The following ARNT2 variants were observed in gnomAD, a reference collection of about 807,000 sequenced individuals.
The protein encoded by ARNT2 is aryl hydrocarbon receptor nuclear translocator 2.
Under a neutral mutation model 91.7 loss-of-function variants are expected in ARNT2, and 36 were observed. The observed-to-expected ratio is 0.39, with a 90% confidence interval of 0.30 to 0.52. The LOEUF (loss-of-function observed/expected upper bound fraction) is 0.52. ARNT2 is among the 20% of genes least tolerant of loss of function. The pLI is 0.72. For synonymous variants in ARNT2, 365 were observed against 347.1 expected, an observed-to-expected ratio of 1.05 and a Z score of -0.57; for missense variants, 775 against 939.3, an observed-to-expected ratio of 0.83 and a Z score of 2.29.
In ARNT2 at chr15:80,475,107, C is replaced by T. The variant is rs1398568084; in HGVS notation, c.506C>T (p.Pro169Leu). The T allele has an allele frequency of 6.2e-7, 1 of 1,614,218 alleles. No individual in the cohort carries two copies. Among genetic ancestry groups the T allele is most frequent in the Admixed American group, 1.7e-5 (1 of 60,026 alleles). Reference protein sequence around the residue: ...RVIYVSDSVTPVLNQPQSEWF... With the variant: ...RVIYVSDSVTLVLNQPQSEWF... ...ATTTATGTGTCTGACTCCGTCACCCCTGTTCTGAACCAGCCCCAGTCAGAG... is the reference window on the plus strand; with the variant it reads ...ATTTATGTGTCTGACTCCGTCACCCTTGTTCTGAACCAGCCCCAGTCAGAG... The change falls in exon 5 of 19, where the codon CCT becomes CTT. Residue 169 changes from proline to leucine, a missense_variant. Around this residue, in one of 5 missense-constraint regions of ARNT2, gnomAD observed 285 missense variants for 327.2 expected, o/e 0.87. Transcript: ENST00000303329.
intron 1 of ARNT2, among the ~76,000 whole-genome samples, chr15:80,440,157 G>A (rs1489540013): frequency 6.6e-6 from 1 of 152,158 alleles, no homozygotes; most frequent in African/African-American, 2.4e-5. Context: ...AGATGTTCTG[G>A]GCTGGCTTCT....
chr15:80,564,817 G>A (rs1347442121), intron 12 of ARNT2, among the ~76,000 whole-genome samples: 2 of 152,074 alleles, frequency 1.3e-5, no homozygotes. Context: ...TTCACTTAGG[G>A]TAATGGATTC....
intron 2 of ARNT2, among the ~76,000 whole-genome samples, chr15:80,454,087 C>T (rs551335246): frequency 1.2e-4 from 18 of 152,330 alleles, no homozygotes; most frequent in African/African-American, 3.6e-4. Flanking sequence ...AGTGTCTTAG[C>T]GAGCTGCCTG....
chr15:80,515,482 A>C (rs1187120589), intron 8 of ARNT2, among the ~76,000 whole-genome samples: 1 of 152,238 alleles, frequency 6.6e-6, no homozygotes, highest in African/African-American at 2.4e-5. Context: ...AGAGTCAGAC[A>C]CAAAAGGCCA....
intron 3 of ARNT2, among the ~76,000 whole-genome samples, chr15:80,467,114 G>A (rs781436144): frequency 1.1e-4 from 17 of 152,202 alleles, no homozygotes; most frequent in Non-Finnish European, 2.2e-4. Context: ...GAGGCTCAAT[G>A]GAAGGGGTTT....
chr15:80,478,702 G>A (rs74027985), intron 5 of ARNT2, among the ~76,000 whole-genome samples: 2,191 of 152,298 alleles, frequency 0.014, 54 homozygotes, highest in African/African-American at 0.043. Flanking sequence ...TATTGATTCC[G>A]TGGGGGAGAG....
At chr15:80,540,198 G>A (rs778916357) in intron 8 of ARNT2, among the ~76,000 whole-genome samples, 42 of 152,158 alleles carry the variant, frequency 2.8e-4, no homozygotes, top group Admixed American at 2.2e-3. Flanking sequence ...GAGTCCTGTG[G>A]TAGCTCCACG....
In ARNT2 at chr15:80,519,584, A is replaced by G. The variant is rs574579200; in HGVS notation, c.877+5179A>G. Among the ~76,000 whole-genome samples, 23 of 152,030 alleles carry G rather than the reference A, an allele frequency of 1.5e-4. 1 individual carries two copies. Among genetic ancestry groups the G allele is most frequent in the Admixed American group, 7.2e-4 (11 of 15,284 alleles). ...TCACACCTGTGAAGATAAGCTGTCA[A>G]TTTTCATTGCCAGGGTGAAATTCAC... On this transcript the variant is annotated intron_variant, in intron 8 of 18. Transcript: ENST00000303329.
rs191804561 is a variant in ARNT2, at chr15:80,442,939, G to A, written c.32-7941G>A. 45 of 985,296 alleles carry A rather than the reference G, an allele frequency of 4.6e-5. No homozygotes were observed. In the East Asian group the frequency reaches 6.8e-4, roughly 15 times the overall value. 61.0% of individuals were successfully genotyped at this position (985,296 alleles called of 1,614,324 possible). Reference sequence around the variant, plus strand: ...AGTGACATCATCTCTTTCCTCTGGCGTGCCCTCCTTGCGGCTCCATCATTC... The same window carrying A: ...AGTGACATCATCTCTTTCCTCTGGCATGCCCTCCTTGCGGCTCCATCATTC... On this transcript the variant is annotated intron_variant, in intron 1 of 18. Transcript: ENST00000303329.
chr15:80,558,777 G>A (rs146973229), intron 11 of ARNT2, among the ~76,000 whole-genome samples: 1 of 152,318 alleles, frequency 6.6e-6, no homozygotes, highest in Non-Finnish European at 1.5e-5. Context: ...AATTGGAATG[G>A]TTAAGCATTG....
intron 3 of ARNT2, among the ~76,000 whole-genome samples, chr15:80,458,193 T>C (rs1325857775): frequency 6.6e-6 from 1 of 152,140 alleles, no homozygotes; most frequent in East Asian, 1.9e-4. Flanking sequence ...TAATAAGTTA[T>C]TAACTCTGTT....
intron 1 of ARNT2, among the ~76,000 whole-genome samples, chr15:80,439,289 G>C (rs1896148885): frequency 6.6e-6 from 1 of 152,320 alleles, no homozygotes; most frequent in Middle Eastern, 3.4e-3. Flanking sequence ...TGCTGTAGAC[G>C]TAGAGATGGT....
chr15:80,470,286 A>G lies in ARNT2; in HGVS notation c.263A>G (p.Asp88Gly), dbSNP rs1896714695. ...ACTCAGTACATCACGGAGCTCTCCG[A>G]CATGGTCCCCACATGCAGCGCACTG... ...KMTQYITELS[D>G]MVPTCSALAR... is the part of the protein sequence containing the mutation. The change falls in exon 4 of 19, where the codon GAC (aspartate) becomes GGC (glycine). Residue 88 changes from aspartate (D) to glycine (G), a missense_variant. Physicochemically the swap from Asp to Gly is moderately conservative, Grantham distance 94. This residue lies in a region of ARNT2 where 83 missense variants were observed against 149.4 expected (regional missense o/e 0.56). Coordinates refer to ENST00000303329, the MANE Select transcript of ARNT2 (RefSeq NM_014862.4). The G allele has an allele frequency of 6.2e-7, 1 of 1,614,200 alleles. No homozygotes were observed. Among genetic ancestry groups the G allele is most frequent in the East Asian group, 2.2e-5 (1 of 44,884 alleles).
At chr15:80,443,667 C>A (rs1050412428) in intron 1 of ARNT2, among the ~76,000 whole-genome samples, 5 of 151,880 alleles carry the variant, frequency 3.3e-5, no homozygotes, top group Admixed American at 6.6e-5. Flanking sequence ...GCAGAGGAGG[C>A]CTAGGAAGAG....
chr15:80,579,104 C>A (rs1244016145), intron 15 of ARNT2, among the ~76,000 whole-genome samples: 1 of 152,202 alleles, frequency 6.6e-6, no homozygotes, highest in East Asian at 1.9e-4. Context: ...GGCGCTTTGC[C>A]CCAAGAAGCC....
In ARNT2 at chr15:80,465,181, A is replaced by C. The variant is rs150829218; in HGVS notation, c.195-5037A>C. Among the ~76,000 whole-genome samples, 40 of 152,344 alleles carry C rather than the reference A, an allele frequency of 2.6e-4. No homozygotes were observed. In the East Asian group the frequency reaches 5.2e-3, roughly 20 times the overall value. ...ACAGTTTGGTGAATTGTCCAAGAGC[A>C]GAGGTTATCACTGTGTGCTGGGTGA... On this transcript the variant is annotated intron_variant, in intron 3 of 18. Coordinates refer to ENST00000303329, the MANE Select transcript of ARNT2 (RefSeq NM_014862.4).
chr15:80,538,179 G>A (rs1897853639), intron 8 of ARNT2, among the ~76,000 whole-genome samples: 1 of 152,022 alleles, frequency 6.6e-6, no homozygotes, highest in African/African-American at 2.4e-5. Context: ...CATACAAGAA[G>A]AAATTAAATA....
intron 12 of ARNT2, among the ~76,000 whole-genome samples, chr15:80,571,867 C>T (rs1898589955): frequency 6.6e-6 from 1 of 152,208 alleles, no homozygotes; most frequent in South Asian, 2.1e-4. Flanking sequence ...AGCCACTTGC[C>T]AGTTGGCCAA....
intron 12 of ARNT2, among the ~76,000 whole-genome samples, chr15:80,571,700 C>T (rs1274899472): frequency 6.6e-6 from 1 of 152,180 alleles, no homozygotes; most frequent in Non-Finnish European, 1.5e-5. Context: ...TCCCTTTGGC[C>T]CTAGGGATGG....
Sources: gnomAD v4.1 joint callset for allele counts (sites outside exome capture counted in the v4.1 genomes callset) on GRCh38, gnomAD v4.1.1 for gene constraint, gnomAD v4.1.1 regional missense constraint, MANE v1.5 for transcripts, NCBI Gene and HGNC (gene_info 2026-07-23, HGNC 2026-07-21) for gene names.